Variants in ZNF280D observed in about 807,000 individuals in gnomAD.
ZNF280D encodes suppressor of hairy wing homolog 4.
ZNF280D carries 39 observed loss-of-function variants against 94.7 expected under a neutral mutation model. That is an observed-to-expected ratio of 0.41 (90% CI 0.32 to 0.54). The LOEUF (loss-of-function observed/expected upper bound fraction) is 0.54, where lower values mean the gene tolerates loss of function less well. ZNF280D is among the 20% of genes least tolerant of loss of function. ZNF280D has a pLI of 0.22. For missense variants in ZNF280D, 1,090 were observed against 1,149.3 expected (o/e 0.95, Z 0.75); for synonymous variants, 398 against 377.6 (o/e 1.05, Z -0.63).
chr15:56,731,506 CAAAA>C (rs752976383), intron 1 of ZNF280D, among the ~76,000 whole-genome samples: 6 of 80,878 alleles, frequency 7.4e-5, no homozygotes, highest in African/African-American at 9.7e-5. Context: ...GTACCTATCT[CAAAA>C]AAAAAAAAAA....
intron 6 of ZNF280D, chr15:56,698,338 T>C (rs2056869756): frequency 6.6e-6 from 1 of 152,222 alleles, no homozygotes; most frequent in Non-Finnish European, 1.5e-5. Context: ...CCACCACCCA[T>C]CAGAAAACTC....
chr15:56,667,473 T>C (rs1179268457), intron 14 of ZNF280D, among the ~76,000 whole-genome samples: 1 of 152,212 alleles, frequency 6.6e-6, no homozygotes, highest in Non-Finnish European at 1.5e-5. Context: ...ACAAATGTTA[T>C]GGGAGGAGTT....
At chr15:56,675,525 A>G (rs2055168810) in intron 13 of ZNF280D, among the ~76,000 whole-genome samples, 1 of 151,928 alleles carries the variant, frequency 6.6e-6, no homozygotes, top group Non-Finnish European at 1.5e-5. Flanking sequence ...TTATAAGTAT[A>G]CTACATTGTT....
intron 7 of ZNF280D, among the ~76,000 whole-genome samples, chr15:56,690,120 C>T (rs992763100): frequency 3.9e-5 from 6 of 152,126 alleles, no homozygotes; most frequent in Admixed American, 1.3e-4. Context: ...CGGTGGCTCA[C>T]GCCTGTAATC....
At chr15:56,650,636 C>T (rs1230730143) in intron 19 of ZNF280D, among the ~76,000 whole-genome samples, 1 of 152,138 alleles carries the variant, frequency 6.6e-6, no homozygotes, top group Non-Finnish European at 1.5e-5. Context: ...GTTTAGCAAA[C>T]TTGAGTTATT....
chr15:56,723,170 T>C (rs1382029313), intron 1 of ZNF280D, among the ~76,000 whole-genome samples: 1 of 151,982 alleles, frequency 6.6e-6, no homozygotes. Flanking sequence ...ATGGCACATG[T>C]ATACGTATGT....
chr15:56,690,257 C>G (rs1335864675), intron 7 of ZNF280D, among the ~76,000 whole-genome samples: 2 of 152,088 alleles, frequency 1.3e-5, no homozygotes, highest in Non-Finnish European at 2.9e-5. Context: ...TGACGGGCAC[C>G]TGTAGTCCCA....
intron 10 of ZNF280D, among the ~76,000 whole-genome samples, chr15:56,680,527 A>C (rs548437051): frequency 6.6e-6 from 1 of 152,230 alleles, no homozygotes; most frequent in South Asian, 2.1e-4. Context: ...CCCAGGCTGG[A>C]GTGCAGACGC....
intron 6 of ZNF280D, among the ~76,000 whole-genome samples, chr15:56,695,270 A>G (rs1455865316): frequency 1.3e-5 from 2 of 151,980 alleles, no homozygotes; most frequent in African/African-American, 4.8e-5. Context: ...ACAGGGTTTC[A>G]TCAGATTGGT....
chr15:56,701,658 T>C (rs1290962157), intron 4 of ZNF280D, among the ~76,000 whole-genome samples: 4 of 152,162 alleles, frequency 2.6e-5, no homozygotes, highest in African/African-American at 9.6e-5. Flanking sequence ...GTCAGGTTCC[T>C]ATGATTCAAA....
intron 20 of ZNF280D, chr15:56,635,687 T>C (rs554598496): frequency 4.6e-5 from 7 of 152,518 alleles, no homozygotes; most frequent in African/African-American, 1.2e-4. Flanking sequence ...TGATTTCATA[T>C]TGAGTCATGG....
chr15:56,728,460 A>C (rs1180786474), intron 1 of ZNF280D, among the ~76,000 whole-genome samples: 1 of 152,252 alleles, frequency 6.6e-6, no homozygotes, highest in African/African-American at 2.4e-5. Context: ...AAATTGAAAA[A>C]TCTTGCAATT....
chr15:56,721,452 A>C (rs1429362971), intron 1 of ZNF280D, among the ~76,000 whole-genome samples: 1 of 152,238 alleles, frequency 6.6e-6, no homozygotes, highest in Non-Finnish European at 1.5e-5. Context: ...ATCTTCTTCC[A>C]ATAAATAGAA....
chr15:56,682,217 C>T lies in ZNF280D; in HGVS notation c.1004+37G>A, dbSNP rs773599603. On this transcript the variant is annotated intron_variant, in intron 10 of 21. Transcript: ENST00000267807. ...TATAACATTTTTATTTGCAGCATTTCAATTTTCAATAGAAATAAAAACAAG... is the reference window on the plus strand; with the variant it reads ...TATAACATTTTTATTTGCAGCATTTTAATTTTCAATAGAAATAAAAACAAG... 3 of 1,396,276 alleles carry T rather than the reference C, an allele frequency of 2.1e-6. No individual in the cohort carries two copies. In the South Asian group the frequency reaches 3.9e-5, roughly 18 times the overall value. 86.5% of individuals were successfully genotyped at this position (1,396,276 alleles called of 1,614,324 possible).
At chr15:56,701,964 T>G (rs1171303009) in intron 4 of ZNF280D, among the ~76,000 whole-genome samples, 1 of 147,300 alleles carries the variant, frequency 6.8e-6, no homozygotes, top group East Asian at 2.0e-4. Flanking sequence ...TATCAAATTA[T>G]AGTTTGGAAG....
At chr15:56,712,594 CAAAAA>C (rs1171267893) in intron 1 of ZNF280D, among the ~76,000 whole-genome samples, 9 of 76,994 alleles carry the variant, frequency 1.2e-4, no homozygotes, top group South Asian at 1.4e-3. Context: ...ACCCTCATAC[CAAAAA>C]AAAAAAAAAA....
chr15:56,686,295 G>A (rs1299289033), intron 9 of ZNF280D, among the ~76,000 whole-genome samples: 1 of 152,094 alleles, frequency 6.6e-6, no homozygotes, highest in African/African-American at 2.4e-5. Context: ...GTGTCACCAT[G>A]CCTGGCTAAG....
intron 1 of ZNF280D, among the ~76,000 whole-genome samples, chr15:56,711,802 A>G (rs1197194554): frequency 6.6e-6 from 1 of 152,264 alleles, no homozygotes. Context: ...ATGTATCATT[A>G]GATGATTTTG....
chr15:56,672,823 T>G (rs1024580183), intron 13 of ZNF280D, among the ~76,000 whole-genome samples: 1 of 152,008 alleles, frequency 6.6e-6, no homozygotes, highest in Non-Finnish European at 1.5e-5. Context: ...TGTGTTACAA[T>G]TCTATTAATA....
Sources: allele counts gnomAD v4.1 joint callset (sites outside exome capture counted in the v4.1 genomes callset), GRCh38; gene constraint gnomAD v4.1.1; transcripts MANE v1.5; gene names NCBI Gene and HGNC (gene_info 2026-07-23, HGNC 2026-07-21).